THADA: variants seen among roughly 807,000 people sequenced by gnomAD.
THADA encodes the protein tRNA (32-2'-O)-methyltransferase regulator THADA.
A neutral mutation model predicts 219.8 loss-of-function variants in THADA; 213 were observed. That is an observed-to-expected ratio of 0.97 (90% CI 0.87 to 1.09). THADA has a LOEUF of 1.09. Among genes scored for constraint, THADA ranks in the 50% least tolerant of loss-of-function variants. The pLI, the probability that THADA is intolerant of heterozygous loss-of-function variation, is 0.00. For synonymous variants in THADA, 1,018 were observed against 828.9 expected, an observed-to-expected ratio of 1.23 and a Z score of -3.92; for missense variants, 2,956 against 2,311.3, an observed-to-expected ratio of 1.28 and a Z score of -5.72.
intron 30 of THADA, 75 bp downstream of exon 30, chr2:43,344,047 A>G: frequency 9.2e-7 from 1 of 1,085,914 alleles, no homozygotes; most frequent in South Asian, 1.4e-5. Flanking sequence ...AAAACTCCCC[A>G]CAACTAGAAA....
At chr2:43,314,455 G>A (rs1299835453) in intron 31 of THADA, among the ~76,000 whole-genome samples, 1 of 152,182 alleles carries the variant, frequency 6.6e-6, no homozygotes, top group Non-Finnish European at 1.5e-5. Context: ...GTTCAATTCA[G>A]TAGCTGTGAC....
intron 29 of THADA, among the ~76,000 whole-genome samples, chr2:43,364,487 G>A (rs1412677979): frequency 6.6e-6 from 1 of 152,142 alleles, no homozygotes; most frequent in East Asian, 1.9e-4. Flanking sequence ...TATGCTGACA[G>A]CACACCACCA....
intron 29 of THADA, among the ~76,000 whole-genome samples, chr2:43,373,340 T>C (rs1474586963): frequency 6.6e-6 from 1 of 152,232 alleles, no homozygotes; most frequent in Non-Finnish European, 1.5e-5. Flanking sequence ...AAAAGACTAC[T>C]AGAACTGCTT....
At chr2:43,266,986 C>T (rs1671600866) in intron 36 of THADA, among the ~76,000 whole-genome samples, 1 of 152,162 alleles carries the variant, frequency 6.6e-6, no homozygotes, top group African/African-American at 2.4e-5. Flanking sequence ...GTGTTTTCTT[C>T]CTTCCCAGTC....
At chr2:43,389,784 A>G (rs1485705786) in intron 29 of THADA, among the ~76,000 whole-genome samples, 3 of 152,120 alleles carry the variant, frequency 2.0e-5, no homozygotes, top group Non-Finnish European at 2.9e-5. Flanking sequence ...CCAAGGCCCA[A>G]TGTTCCCCTG....
intron 29 of THADA, among the ~76,000 whole-genome samples, chr2:43,391,195 A>G (rs1441916502): frequency 6.6e-6 from 1 of 152,064 alleles, no homozygotes; most frequent in Non-Finnish European, 1.5e-5. Context: ...TCTCTCACTG[A>G]AAAAAATATA....
chr2:43,392,814 G>A (rs372525094), intron 29 of THADA, among the ~76,000 whole-genome samples: 6 of 152,076 alleles, frequency 3.9e-5, no homozygotes, highest in Non-Finnish European at 5.9e-5. Context: ...GGGCTCACTT[G>A]GCTTCTAATC....
At position 43,575,581 on chromosome 2, in the gene THADA, G is replaced by T. The variant is rs1574330715; in HGVS notation, c.1038-554C>A. ...TGAGACAGGGTCTTGCTGTCACCCA[G>T]GCTGGAGTGCAGTGGTGCGATCTCG... On this transcript the variant is annotated intron_variant, in intron 10 of 37. Transcript: ENST00000405975. Among the ~76,000 whole-genome samples the T allele has an allele frequency of 2.6e-5, 4 of 152,336 alleles. 1 individual carries two copies. In the South Asian group the frequency reaches 8.3e-4, roughly 32 times the overall value.
At chr2:43,305,036 G>T (rs1553380458) in intron 31 of THADA, among the ~76,000 whole-genome samples, 1 of 152,060 alleles carries the variant, frequency 6.6e-6, no homozygotes, top group Non-Finnish European at 1.5e-5. Flanking sequence ...TTGTAGCATT[G>T]GTCAGAGCTC....
chr2:43,543,602 G>A (rs950042906), intron 20 of THADA, among the ~76,000 whole-genome samples: 4 of 152,062 alleles, frequency 2.6e-5, no homozygotes, highest in Non-Finnish European at 5.9e-5. Flanking sequence ...TTGTGGTTTT[G>A]ATTTGCATTT....
intron 22 of THADA, among the ~76,000 whole-genome samples, chr2:43,516,982 T>C (rs1403750241): frequency 1.3e-5 from 2 of 152,136 alleles, no homozygotes; most frequent in Non-Finnish European, 2.9e-5. Context: ...GATATTAACT[T>C]CCTGATCATG....
At chr2:43,233,855 T>A (rs1572702887) in intron 36 of THADA, among the ~76,000 whole-genome samples, 1 of 152,260 alleles carries the variant, frequency 6.6e-6, no homozygotes, top group Admixed American at 6.5e-5. Flanking sequence ...TGGACCTCTG[T>A]AGGCCCATCT....
chr2:43,566,611 C>T (rs1698712992), intron 15 of THADA, 87 bp downstream of exon 15: 1 of 1,432,038 alleles, frequency 7.0e-7, no homozygotes, highest in African/African-American at 1.4e-5. Context: ...GGCAACAAAA[C>T]TGAAACTTCA....
At chr2:43,291,619 T>C in intron 34 of THADA, 77 bp downstream of exon 34, 2 of 1,148,696 alleles carry the variant, frequency 1.7e-6, no homozygotes, top group South Asian at 1.6e-5. Flanking sequence ...CTAAGACTGT[T>C]CACTTTTACT....
intron 14 of THADA, among the ~76,000 whole-genome samples, chr2:43,567,761 C>T (rs187667517): frequency 6.6e-6 from 1 of 152,340 alleles, no homozygotes; most frequent in East Asian, 1.9e-4. Context: ...ATGGTTGGAT[C>T]CCTAGTGCTG....
intron 26 of THADA, among the ~76,000 whole-genome samples, chr2:43,479,858 T>C (rs1208899149): frequency 1.3e-5 from 2 of 152,212 alleles, no homozygotes; most frequent in East Asian, 3.8e-4. Context: ...ATCCTTATTG[T>C]CTTTTACCGT....
intron 1 of THADA, 35 bp downstream of exon 1, chr2:43,595,896 G>A (rs1429812386): frequency 2.0e-5 from 3 of 152,306 alleles, no homozygotes; most frequent in South Asian, 4.1e-4. Flanking sequence ...CCGAGCTACC[G>A]CGGGTCTGGC....
At chr2:43,351,371 T>C (rs1254849955) in intron 29 of THADA, among the ~76,000 whole-genome samples, 5 of 152,150 alleles carry the variant, frequency 3.3e-5, no homozygotes, top group Non-Finnish European at 7.3e-5. Flanking sequence ...AATGCTTTCC[T>C]GGCCAGGACG....
intron 36 of THADA, among the ~76,000 whole-genome samples, chr2:43,260,894 T>C (rs1010266992): frequency 6.6e-6 from 1 of 152,224 alleles, no homozygotes; most frequent in African/African-American, 2.4e-5. Context: ...AAGTCTGGTA[T>C]TTAAATCCTT....
Sources: gnomAD v4.1 joint callset for allele counts (sites outside exome capture counted in the v4.1 genomes callset) on GRCh38, gnomAD v4.1.1 for gene constraint, MANE v1.5 for transcripts, NCBI Gene and HGNC (gene_info 2026-07-23, HGNC 2026-07-21) for gene names.